Variants in XPO1 observed in about 807,000 individuals in gnomAD.
XPO1 encodes exportin-1.
In XPO1, 5 loss-of-function variants were observed where a neutral mutation model predicts 133.3. The ratio of observed to expected loss-of-function variants is 0.04; its 90% CI spans 0.02 to 0.08. The LOEUF (loss-of-function observed/expected upper bound fraction) is 0.08, where lower values mean the gene tolerates loss of function less well. Among genes scored for constraint, XPO1 ranks in the 10% least tolerant of loss-of-function variants. The pLI, the probability that XPO1 is intolerant of heterozygous loss-of-function variation, is 1.00. For missense variants in XPO1, 506 were observed against 1,267.5 expected, an observed-to-expected ratio of 0.40 and a Z score of 9.12; for synonymous variants, 419 against 408.2, an observed-to-expected ratio of 1.03 and a Z score of -0.32.
intron 11 of XPO1, chr2:61,494,310 ATATG>A (rs1697134153): frequency 2.2e-6 from 1 of 449,964 alleles, no homozygotes; most frequent in Non-Finnish European, 4.0e-6. Flanking sequence ...TAGTTGATCA[ATATG>A]TATTTTTATC....
intron 11 of XPO1, 54 bp downstream of exon 11, chr2:61,495,399 AAG>A: frequency 1.4e-6 from 2 of 1,415,546 alleles, no homozygotes; most frequent in Middle Eastern, 2.1e-4. Context: ...AGGCACTTTT[AAG>A]AGTTATTAGT....
At chr2:61,524,605 C>G (rs1698836587) in intron 3 of XPO1, among the ~76,000 whole-genome samples, 1 of 151,964 alleles carries the variant, frequency 6.6e-6, no homozygotes, top group Non-Finnish European at 1.5e-5. Context: ...GAAACTAAAA[C>G]AAAAAAAATT....
chr2:61,528,372 C>T (rs1007689673), intron 2 of XPO1, among the ~76,000 whole-genome samples: 1 of 152,010 alleles, frequency 6.6e-6, no homozygotes, highest in Non-Finnish European at 1.5e-5. Context: ...CGGTGGCTTA[C>T]GCCTGTAATC....
At chr2:61,497,652 G>A (rs1385830610) in intron 9 of XPO1, among the ~76,000 whole-genome samples, 1 of 152,144 alleles carries the variant, frequency 6.6e-6, no homozygotes, top group Non-Finnish European at 1.5e-5. Flanking sequence ...AGAATTTTGG[G>A]AAATGGTCAA....
chr2:61,502,183 T>C (rs375755422), intron 5 of XPO1, 66 bp downstream of exon 5: 10 of 1,572,004 alleles, frequency 6.4e-6, no homozygotes, highest in African/African-American at 2.7e-5. Flanking sequence ...CAGAATTAGG[T>C]TGTAGTCAGA....
intron 3 of XPO1, among the ~76,000 whole-genome samples, chr2:61,524,709 G>A (rs184315192): frequency 1.5e-3 from 231 of 152,364 alleles, no homozygotes; most frequent in Admixed American, 5.9e-3. Flanking sequence ...GGAGGGCCAG[G>A]AGTTCAAGAT....
At position 61,522,647 on chromosome 2, in the gene XPO1, T is replaced by C; in HGVS notation, c.265A>G (p.Thr89Ala). The C allele has an allele frequency of 6.2e-7, 1 of 1,613,850 alleles. No homozygotes were observed. Among genetic ancestry groups the C allele is most frequent in the Non-Finnish European group, 8.5e-7 (1 of 1,179,838 alleles). ...GLQILENVIK[T>A]RWKILPRNQC... ...TTCCTTGGAAGAATCTTCCACCTTGTTTTTATCACATTTTCCAAAATTTGT... is the reference window on the plus strand; with the variant it reads ...TTCCTTGGAAGAATCTTCCACCTTGCTTTTATCACATTTTCCAAAATTTGT... The change falls in exon 4 of 25, where the codon ACA becomes GCA. Residue 89 changes from threonine (T) to alanine (A), a missense_variant. By Grantham distance (58) the Thr-to-Ala change is moderately conservative. Transcript: ENST00000401558.
intron 22 of XPO1, 186 bp from the exon 23 acceptor site, chr2:61,482,725 C>A: frequency 1.4e-6 from 1 of 740,356 alleles, no homozygotes; most frequent in Non-Finnish European, 2.1e-6. Flanking sequence ...CCTGCCTCAG[C>A]CTCCCGAATA....
At chr2:61,526,950 T>G (rs1022429406) in intron 2 of XPO1, among the ~76,000 whole-genome samples, 1 of 152,090 alleles carries the variant, frequency 6.6e-6, no homozygotes, top group African/African-American at 2.4e-5. Context: ...TCAGGTGATC[T>G]GCCTGCCTTG....
chr2:61,514,221 G>C (rs1274232513), intron 4 of XPO1, among the ~76,000 whole-genome samples: 2 of 151,380 alleles, frequency 1.3e-5, no homozygotes, highest in Non-Finnish European at 2.9e-5. Context: ...TTTTTGAACA[G>C]ACATTTCACC....
intron 11 of XPO1, 68 bp from the exon 12 acceptor site, chr2:61,494,159 G>A: frequency 7.2e-7 from 1 of 1,397,710 alleles, no homozygotes; most frequent in Non-Finnish European, 9.9e-7. Flanking sequence ...CTTTTCACTT[G>A]TTACACCTTA....
chr2:61,502,996 T>C (rs1697614696), intron 4 of XPO1, among the ~76,000 whole-genome samples: 1 of 149,368 alleles, frequency 6.7e-6, no homozygotes, highest in Non-Finnish European at 1.5e-5. Flanking sequence ...GACGGAGTCC[T>C]GTTATGTCAC....
intron 4 of XPO1, among the ~76,000 whole-genome samples, chr2:61,513,889 T>C (rs1469611199): frequency 6.6e-6 from 1 of 152,010 alleles, no homozygotes; most frequent in East Asian, 1.9e-4. Context: ...CAATAAAAAC[T>C]GGGCAAAATT....
intron 24 of XPO1, 27 bp downstream of exon 24, chr2:61,481,158 T>A (rs1404818508): frequency 6.6e-7 from 1 of 1,526,118 alleles, no homozygotes; most frequent in Non-Finnish European, 8.9e-7. Flanking sequence ...ACCCCTAATA[T>A]TTCTGCAAGA....
In XPO1 at chr2:61,485,938, G is replaced by A. The variant is rs1198902514; in HGVS notation, c.2338C>T (p.Leu780=). The change falls in exon 20 of 25, where the codon CTG becomes TTG. Residue 780 remains leucine (L), a synonymous_variant. Coordinates refer to ENST00000401558, the MANE Select transcript of XPO1 (RefSeq NM_003400.4). ...TAATCAATGAGAACTGCATCCAACA[G>A]AGGGGGAACAAAATTTTCAGCGACC... is the stretch of plus-strand genomic sequence containing the variant. ...QMVAENFVPP[L]LDAVLIDYQR... is the part of the protein sequence containing the mutation. 6 of 1,608,908 alleles carry A rather than the reference G, an allele frequency of 3.7e-6. No individual in the cohort carries two copies. The highest frequency in any genetic ancestry group is 5.1e-6 in the Non-Finnish European group (6 of 1,178,474).
At position 61,493,875 on chromosome 2, in the gene XPO1, C is replaced by G. The variant is rs1253340631; in HGVS notation, c.1245+19G>C. ...CACAGTATGCAACAGGAAGAACACT[C>G]AACCAACCGCTCTGTTACCTTGAAT... is the stretch of plus-strand genomic sequence containing the variant. On this transcript the variant is annotated intron_variant, in intron 12 of 24. Transcript: ENST00000401558. 4.3e-6 allele frequency: 7 copies of G among 1,613,512 alleles called. No individual in the cohort carries two copies. The highest frequency in any genetic ancestry group is 5.9e-6 in the Non-Finnish European group (7 of 1,179,758).
In XPO1 at chr2:61,538,341, G is replaced by GAA. The variant is rs1558690317; in HGVS notation, c.-787_-786insTT. The GAA allele has an allele frequency of 1.3e-5, 2 of 157,682 alleles. No individual in the cohort carries two copies. The highest frequency in any genetic ancestry group is 4.8e-5 in the African/African-American group (2 of 41,544). 9.8% of individuals were successfully genotyped at this position (157,682 alleles called of 1,614,324 possible). Reference sequence around the variant, plus strand: ...TTGAGTTTTCAGCCCATGGCGCCGCGGAGCGTTTGGAACCTGGGCCTCCGC... The same window carrying GAA: ...TTGAGTTTTCAGCCCATGGCGCCGCGAAGAGCGTTTGGAACCTGGGCCTCCGC... On this transcript the variant is annotated 5_prime_UTR_variant, in exon 1 of 25. Coordinates refer to ENST00000401558, the MANE Select transcript of XPO1 (RefSeq NM_003400.4).
chr2:61,490,512 A>C, intron 17 of XPO1, 130 bp downstream of exon 17: 3 of 1,307,464 alleles, frequency 2.3e-6, no homozygotes, highest in Non-Finnish European at 3.2e-6. Flanking sequence ...ATAATAAATT[A>C]TAGAAAGACA....
chr2:61,528,733 T>TTATA (rs10528074), intron 2 of XPO1, among the ~76,000 whole-genome samples: 297 of 115,552 alleles, frequency 2.6e-3, no homozygotes, highest in Non-Finnish European at 3.3e-3. Flanking sequence ...GACATTTTAT[T>TTATA]TATATATATA....
Sources: allele counts gnomAD v4.1 joint callset (sites outside exome capture counted in the v4.1 genomes callset), GRCh38; gene constraint gnomAD v4.1.1; transcripts MANE v1.5; gene names NCBI Gene and HGNC (gene_info 2026-07-23, HGNC 2026-07-21).